Variants in BCL2L11 observed in about 807,000 individuals in gnomAD.
BCL2L11 encodes the protein bcl-2-like protein 11.
In BCL2L11, 15 loss-of-function variants were observed where a neutral mutation model predicts 20.6. The ratio of observed to expected loss-of-function variants is 0.73; its 90% CI spans 0.49 to 1.12. The LOEUF (loss-of-function observed/expected upper bound fraction) is 1.12. Ranked by LOEUF, BCL2L11 falls within the 50% of genes most tolerant of loss-of-function variation. The pLI is 0.00. For synonymous variants in BCL2L11, 108 were observed against 92.8 expected, an observed-to-expected ratio of 1.16 and a Z score of -0.94; for missense variants, 292 against 260.9, an observed-to-expected ratio of 1.12 and a Z score of -0.82.
At chr2:111,139,333 T>A (rs1036537182) in intron 2 of BCL2L11, among the ~76,000 whole-genome samples, 2 of 152,168 alleles carry the variant, frequency 1.3e-5, no homozygotes, top group African/African-American at 4.8e-5. Context: ...GACGGCCCAT[T>A]TGATTTGGCA....
chr2:111,140,673 T>G (rs1446541016), intron 2 of BCL2L11, among the ~76,000 whole-genome samples: 1 of 152,272 alleles, frequency 6.6e-6, no homozygotes, highest in Non-Finnish European at 1.5e-5. Context: ...GGCATTAACC[T>G]GAAGTAGTCT....
intron 1 of BCL2L11, chr2:111,122,849 G>A: frequency 1.0e-6 from 1 of 985,236 alleles, no homozygotes; most frequent in Non-Finnish European, 1.2e-6. Flanking sequence ...CGCCCGGTCG[G>A]CGAAGGGCGC....
chr2:111,150,400 A>G (rs1476095649), intron 3 of BCL2L11: 14 of 541,356 alleles, frequency 2.6e-5, no homozygotes, highest in Non-Finnish European at 3.9e-5. Context: ...AAACAATGCT[A>G]AAAAAGGGAT....
chr2:111,166,983 AT>A lies in BCL2L11; in HGVS notation c.*2753del, dbSNP rs1439617682. The A allele has an allele frequency of 1.3e-5, 2 of 152,628 alleles. No homozygotes were observed. Among genetic ancestry groups the A allele is most frequent in the African/African-American group, 4.8e-5 (2 of 41,432 alleles). 9.5% of individuals were successfully genotyped at this position (152,628 alleles called of 1,614,324 possible). A position where few individuals can be genotyped will look rare whatever the true frequency, so the allele number is the denominator to read the frequency against. The stretch of plus-strand genomic sequence containing the variant: ...TTGTACAGCATAAATAAGTAAAAAA[AT>A]CACTGTTTTTCTCAACTTTTTCAAA... On this transcript the variant is annotated 3_prime_UTR_variant, in exon 4 of 4. Transcript: ENST00000393256.
At chr2:111,122,508 C>T in intron 1 of BCL2L11, 2 of 697,338 alleles carry the variant, frequency 2.9e-6, no homozygotes, top group Non-Finnish European at 3.5e-6. Context: ...GCCGCCCCCA[C>T]CGCGGCTGCC....
Position 111,165,139 on chromosome 2 carries a change from G to A in BCL2L11, c.*908G>A, listed in dbSNP as rs887606727. 1.3e-5 allele frequency: 2 copies of A among 152,178 alleles called. No individual in the cohort carries two copies. The highest frequency in any genetic ancestry group is 4.8e-5 in the African/African-American group (2 of 41,440). 9.4% of individuals were successfully genotyped at this position (152,178 alleles called of 1,614,324 possible). A position where few individuals can be genotyped will look rare whatever the true frequency, so the allele number is the denominator to read the frequency against. On this transcript the variant is annotated 3_prime_UTR_variant, in exon 4 of 4. Coordinates refer to ENST00000393256, the MANE Select transcript of BCL2L11 (RefSeq NM_138621.5). ...TTGGTGTTGGTTTTCATTCCATTTC[G>A]ACGAGCATGTTATTGGGAAGTATTC...
chr2:111,153,697 A>G, intron 3 of BCL2L11: 16 of 1,502,842 alleles, frequency 1.1e-5, no homozygotes, highest in Non-Finnish European at 1.4e-5. Context: ...GCTTAATGCT[A>G]TTACAATGCC....
At chr2:111,147,346 TCACA>T (rs70962921) in intron 2 of BCL2L11, among the ~76,000 whole-genome samples, 8,360 of 136,970 alleles carry the variant, frequency 0.061, 288 homozygotes, top group Admixed American at 0.097. Flanking sequence ...TCTCTCTCTC[TCACA>T]CACACACACA....
chr2:111,134,457 G>A (rs904714867), intron 2 of BCL2L11, among the ~76,000 whole-genome samples: 2 of 152,036 alleles, frequency 1.3e-5, no homozygotes, highest in Admixed American at 1.3e-4. Context: ...TTTAGGCTCC[G>A]TTAGCCCCAT....
chr2:111,120,922 C>T lies in BCL2L11; in HGVS notation c.-280C>T, dbSNP rs1558995499. 2.9e-6 allele frequency: 1 copy of T among 341,648 alleles called. No homozygotes were observed. The highest frequency in any genetic ancestry group is 5.2e-6 in the Non-Finnish European group (1 of 192,334). 21.2% of individuals were successfully genotyped at this position (341,648 alleles called of 1,614,324 possible). Reference sequence around the variant, plus strand: ...AGGGCCGCGCAGGTTTCACTTCGCTCCGCGCAGCCGCCTGGTCTGCAGTTT... The same window carrying T: ...AGGGCCGCGCAGGTTTCACTTCGCTTCGCGCAGCCGCCTGGTCTGCAGTTT... On this transcript the variant is annotated 5_prime_UTR_variant, in exon 1 of 4. Coordinates refer to ENST00000393256, the MANE Select transcript of BCL2L11 (RefSeq NM_138621.5).
intron 2 of BCL2L11, among the ~76,000 whole-genome samples, chr2:111,134,287 GAT>G (rs1230868307): frequency 2.0e-5 from 3 of 151,696 alleles, no homozygotes; most frequent in African/African-American, 7.3e-5. Context: ...ATTTCGTTTT[GAT>G]ATGTTTATGG....
intron 2 of BCL2L11, chr2:111,146,263 T>A (rs1321363124): frequency 2.1e-6 from 2 of 973,422 alleles, no homozygotes; most frequent in African/African-American, 3.5e-5. Context: ...AGCTTTCATT[T>A]CAAATAAAAC....
At chr2:111,124,177 A>G (rs1326324364) in intron 2 of BCL2L11, 38 bp downstream of exon 2, 1 of 1,557,810 alleles carries the variant, frequency 6.4e-7, no homozygotes, top group South Asian at 1.2e-5. Context: ...TGACGTGTGG[A>G]TGGTTGAATC....
intron 2 of BCL2L11, chr2:111,128,755 C>T (rs13429049): frequency 0.28 from 437,443 of 1,544,450 alleles, 64,355 homozygotes; most frequent in Non-Finnish European, 0.31. Flanking sequence ...CTCATGATAC[C>T]TTTTTATAGC....
At chr2:111,123,697 TG>T in intron 1 of BCL2L11, 35 bp from the exon 2 acceptor site, 1 of 1,380,504 alleles carries the variant, frequency 7.2e-7, no homozygotes, top group East Asian at 2.6e-5. Flanking sequence ...TTTTTTTTTT[TG>T]CTTAAAATAA....
chr2:111,123,596 G>T, intron 1 of BCL2L11, 137 bp from the exon 2 acceptor site: 1 of 1,217,184 alleles, frequency 8.2e-7, no homozygotes. Context: ...TTTTATTTGG[G>T]AGATTGTCAG....
intron 2 of BCL2L11, among the ~76,000 whole-genome samples, chr2:111,137,525 C>T (rs2075108857): frequency 1.3e-5 from 2 of 152,180 alleles, no homozygotes; most frequent in South Asian, 2.1e-4. Context: ...CACACCTGTC[C>T]TTGGAGACCT....
intron 2 of BCL2L11, chr2:111,128,568 A>C: frequency 1.4e-6 from 2 of 1,462,516 alleles, no homozygotes; most frequent in East Asian, 2.6e-5. Flanking sequence ...CCAACAGGGC[A>C]CAAGGGTTCC....
intron 1 of BCL2L11, chr2:111,122,681 A>T (rs2071373083): frequency 3.1e-6 from 3 of 982,660 alleles, no homozygotes; most frequent in South Asian, 9.1e-5. Context: ...CGGCCGGGGC[A>T]GCGCGGGCCA....
Sources: gnomAD v4.1 joint callset for allele counts (sites outside exome capture counted in the v4.1 genomes callset) on GRCh38, gnomAD v4.1.1 for gene constraint, MANE v1.5 for transcripts, NCBI Gene and HGNC (gene_info 2026-07-23, HGNC 2026-07-21) for gene names.